The following TCEA2 variants were observed in gnomAD, a reference collection of about 807,000 sequenced individuals.
TCEA2 encodes transcription elongation factor A2.
In TCEA2, 21 loss-of-function variants were observed where a neutral mutation model predicts 40.8. The ratio of observed to expected loss-of-function variants is 0.51; its 90% confidence interval spans 0.36 to 0.74. The LOEUF (loss-of-function observed/expected upper bound fraction) is 0.74. Ranked by LOEUF, TCEA2 falls within the 30% of genes least tolerant of loss-of-function variation. The probability of loss-of-function intolerance (pLI) is 0.00; values close to 1 mark genes in which losing one functional copy is unlikely to be tolerated. For missense variants in TCEA2, 326 were observed against 426.5 expected (o/e 0.76, Z 2.08); for synonymous variants, 165 against 162.7 (o/e 1.01, Z -0.11).
chr20:64,063,405 G>A (rs1176323680), intron 1 of TCEA2, 21 bp downstream of exon 1: 2 of 1,542,018 alleles, frequency 1.3e-6, no homozygotes, highest in African/African-American at 2.7e-5. Flanking sequence ...CGGGCCGCCA[G>A]GACCCCGGGA....
intron 8 of TCEA2, among the ~76,000 whole-genome samples, chr20:64,071,348 T>TAA (rs1250251990): frequency 4.8e-4 from 68 of 141,326 alleles, no homozygotes; most frequent in African/African-American, 1.6e-3. Context: ...ACTCCGTCTT[T>TAA]AAAAAAAAAA....
intron 8 of TCEA2, 128 bp downstream of exon 8, chr20:64,070,763 G>C: frequency 7.5e-7 from 1 of 1,336,824 alleles, no homozygotes; most frequent in South Asian, 1.5e-5. Context: ...CCCTGAGTAG[G>C]CTAAGGCATG....
chr20:64,065,050 G>A (rs183994013), intron 1 of TCEA2, among the ~76,000 whole-genome samples: 39 of 152,188 alleles, frequency 2.6e-4, no homozygotes, highest in Admixed American at 6.5e-4. Flanking sequence ...GGAGGCGGGC[G>A]CTGTGCAGTG....
upstream of TCEA2, among the ~76,000 whole-genome samples, chr20:64,061,108 T>TTTA (rs1188972602): frequency 7.3e-6 from 1 of 136,424 alleles, no homozygotes; most frequent in Non-Finnish European, 1.6e-5. Context: ...TTTTTTTTTT[T>TTTA]TTTTTTTTTT....
rs2059607893 is a variant in TCEA2, at chr20:64,063,255, G to A, written c.-58G>A. The A allele has an allele frequency of 2.0e-6, 3 of 1,475,866 alleles. No individual in the cohort carries two copies. The South Asian group carries it at 3.8e-5, about 19-fold the overall frequency. The allele number at this position is 1,475,866 out of a possible 1,614,324, so 91.4% of individuals were successfully genotyped here. The stretch of plus-strand genomic sequence containing the variant: ...GGAGGTGGCGACGGCCGGGGCCGGG[G>A]TCCTGCCCGGCTGCGGAGGCGGGCG... On this transcript the variant is annotated 5_prime_UTR_variant, in exon 1 of 10. Coordinates refer to ENST00000343484, the MANE Select transcript of TCEA2 (RefSeq NM_003195.6).
At position 64,070,312 on chromosome 20, in the gene TCEA2, G is replaced by A. The variant is rs1218204896; in HGVS notation, c.570G>A (p.Arg190=). Residue 190 remains arginine (R), a synonymous_variant, in exon 7 of 10, where the codon CGG becomes CGA. Transcript: ENST00000343484. ...NTDMKYKNRV[R]SRISNLKDAK... is the part of the protein sequence containing the mutation. Reference sequence around the variant, plus strand: ...ACATGAAGTATAAGAACCGTGTACGGAGTCGTATCTCCAACCTGAAGGATG... The same window carrying A: ...ACATGAAGTATAAGAACCGTGTACGAAGTCGTATCTCCAACCTGAAGGATG... 1 of 1,614,232 alleles carries A rather than the reference G, an allele frequency of 6.2e-7. No homozygotes were observed. The highest frequency in any genetic ancestry group is 8.5e-7 in the Non-Finnish European group (1 of 1,180,038).
intron 4 of TCEA2, 146 bp downstream of exon 4, chr20:64,068,280 T>A: frequency 9.5e-6 from 7 of 733,314 alleles, no homozygotes; most frequent in Non-Finnish European, 1.4e-5. Flanking sequence ...ACCAGCCTTG[T>A]GGTGTGTCCC....
chr20:64,059,019 C>A (rs186265203), upstream of TCEA2, among the ~76,000 whole-genome samples: 2 of 152,034 alleles, frequency 1.3e-5, no homozygotes, highest in African/African-American at 4.8e-5. Context: ...GATGTAACCT[C>A]GTCTCTACTA....
intron 3 of TCEA2, 36 bp from the exon 4 acceptor site, chr20:64,068,011 T>G: frequency 6.5e-7 from 1 of 1,540,852 alleles, no homozygotes; most frequent in Non-Finnish European, 8.9e-7. Flanking sequence ...CTCCTCTGCC[T>G]CCCCTTGATC....
chr20:64,066,887 C>A (rs761377480), intron 2 of TCEA2, 28 bp from the exon 3 acceptor site: 4 of 1,587,766 alleles, frequency 2.5e-6, no homozygotes, highest in Non-Finnish European at 3.4e-6. Context: ...GCCCCTGCCT[C>A]CCCCAACCCA....
At chr20:64,069,867 A>G in intron 6 of TCEA2, 46 bp downstream of exon 6, 10 of 1,604,494 alleles carry the variant, frequency 6.2e-6, no homozygotes, top group Non-Finnish European at 7.6e-6. Context: ...TGGTGGAGTC[A>G]GGAGGCTGCC....
At chr20:64,057,928 G>A (rs1024598439) in intron 1 of TCEA2, among the ~76,000 whole-genome samples, 7 of 152,126 alleles carry the variant, frequency 4.6e-5, no homozygotes, top group Admixed American at 1.3e-4. Context: ...AGGCCCACCC[G>A]TCCGTGGCTC....
intron 6 of TCEA2, 171 bp downstream of exon 6, chr20:64,069,992 G>T (rs545415205): frequency 1.1e-4 from 98 of 930,316 alleles, no homozygotes; most frequent in Non-Finnish European, 1.7e-5. Flanking sequence ...GAGGGCCCCC[G>T]GACCAGCTGA....
In TCEA2 at chr20:64,063,199, C is replaced by T. The variant is rs1601579210; in HGVS notation, c.-114C>T. The T allele has an allele frequency of 2.1e-6, 2 of 953,124 alleles. No homozygotes were observed. Among genetic ancestry groups the T allele is most frequent in the East Asian group, 3.7e-5 (1 of 27,372 alleles). 59.0% of individuals were successfully genotyped at this position (953,124 alleles called of 1,614,324 possible). ...GTTTGAACCGGGGGTCTGTCGTCCG[C>T]GGCGGGGCTGCGTCGGCTGCGGCGG... On this transcript the variant is annotated 5_prime_UTR_variant, in exon 1 of 10. Coordinates refer to ENST00000343484, the MANE Select transcript of TCEA2 (RefSeq NM_003195.6).
At chr20:64,062,966 G>T (rs35213536), upstream of TCEA2, 35,873 of 173,534 alleles carry the variant, frequency 0.21, 4,092 homozygotes, top group South Asian at 0.26. Context: ...CTGAGCTCTG[G>T]GAGGGGCGTG....
intron 4 of TCEA2, among the ~76,000 whole-genome samples, 165 bp downstream of exon 4, chr20:64,068,299 T>A: frequency 6.6e-6 from 1 of 152,244 alleles, no homozygotes; most frequent in African/African-American, 2.4e-5. Context: ...CCGCCTGCAC[T>A]GACCACTTGA....
Position 64,069,361 on chromosome 20 carries a change from C to A in TCEA2, c.330C>A (p.Ser110Arg), listed in dbSNP as rs969710982. The part of the protein sequence containing the change: ...SRDASEAPDP[S>R]RKRPELPRAP... Reference sequence around the variant, plus strand: ...CCCAGCTGGCCCTGGCTCTCTGCAGCCGCAAGAGGCCGGAGCTGCCCAGGG... The same window carrying A: ...CCCAGCTGGCCCTGGCTCTCTGCAGACGCAAGAGGCCGGAGCTGCCCAGGG... Residue 110 changes from serine to arginine, a missense_variant and splice_region_variant, in exon 5 of 10, where the codon AGC becomes AGA. By Grantham distance (110) the Ser-to-Arg change is moderately radical. Transcript: ENST00000343484. 6.3e-7 allele frequency: 1 copy of A among 1,578,624 alleles called. No homozygotes were observed. The highest frequency in any genetic ancestry group is 1.3e-5 in the African/African-American group (1 of 74,372).
At position 64,070,351 on chromosome 20, in the gene TCEA2, C is replaced by T. The variant is rs759915813; in HGVS notation, c.609C>T (p.Asp203=). 1.9e-6 allele frequency: 3 copies of T among 1,614,224 alleles called. No individual in the cohort carries two copies. The East Asian group carries it at 6.7e-5, about 36-fold the overall frequency. Residue 203 remains aspartate (D), a synonymous_variant, in exon 7 of 10, where the codon GAC becomes GAT. Coordinates refer to ENST00000343484, the MANE Select transcript of TCEA2 (RefSeq NM_003195.6). ...ACCTGAAGGATGCCAAGAACCCTGA[C>T]CTGCGGCGGAATGTGCTGTGTGGGG... ...ISNLKDAKNP[D]LRRNVLCGAI...
At chr20:64,071,746 C>A in intron 8 of TCEA2, 124 bp from the exon 9 acceptor site, 1 of 1,110,066 alleles carries the variant, frequency 9.0e-7, no homozygotes, top group African/African-American at 1.6e-5. Flanking sequence ...AGTCACGAGG[C>A]GGCCTCGGAT....
Sources: allele counts gnomAD v4.1 joint callset (sites outside exome capture counted in the v4.1 genomes callset), GRCh38; gene constraint gnomAD v4.1.1; transcripts MANE v1.5; gene names NCBI Gene and HGNC (gene_info 2026-07-23, HGNC 2026-07-21).